CHTF18: variants seen among roughly 807,000 people sequenced by gnomAD.
The protein encoded by CHTF18 is chromosome transmission fidelity factor 18.
Under a neutral mutation model 113.4 loss-of-function variants are expected in CHTF18, and 151 were observed. The observed-to-expected ratio is 1.33, with a 90% confidence interval of 1.17 to 1.52. The LOEUF is 1.52. CHTF18 is among the 40% of genes most tolerant of loss of function. The pLI, the probability that CHTF18 is intolerant of heterozygous loss-of-function variation, is 0.00. For synonymous variants in CHTF18, 916 were observed against 598.8 expected (o/e 1.53, Z -7.74); for missense variants, 1,982 against 1,381.6 (o/e 1.43, Z -6.89).
In CHTF18 at chr16:790,569, C is replaced by T. The variant is rs150535361; in HGVS notation, c.797C>T (p.Pro266Leu). Residue 266 changes from proline (P) to leucine (L), a missense_variant, in exon 7 of 22, where the codon CCT becomes CTT. Transcript: ENST00000262315. ...GAGGCAGCCCAGCCCTTGGGGGCCC[C>T]TGAGGAGGAGCCGACTGACGGTCAA... ...EEEAAQPLGA[P>L]EEEPTDGQDA... The T allele has an allele frequency of 0.01, 16,607 of 1,597,296 alleles. 111 individuals carry two copies. Among genetic ancestry groups the T allele is most frequent in the Middle Eastern group, 0.028 (169 of 6,014 alleles).
intron 20 of CHTF18, 60 bp from the exon 21 acceptor site, chr16:797,634 T>G: frequency 5.1e-6 from 8 of 1,563,718 alleles, no homozygotes; most frequent in African/African-American, 1.3e-5. Flanking sequence ...CCTCCTGTCT[T>G]GGGTAGGGGC....
chr16:794,114 C>T lies in CHTF18; in HGVS notation c.1863C>T (p.Asp621=), dbSNP rs578049688. Residue 621 remains aspartate, a synonymous_variant, in exon 15 of 22, where the codon GAC becomes GAT. Transcript: ENST00000262315. ...PADTLLLGDG[D]AGSLTSASQR... is the part of the protein sequence containing the mutation. ...ACACACTCCTGCTGGGTGACGGGGA[C>T]GCGGGCTCCCTCACCTCCGCCTCAC... 2.7e-5 allele frequency: 44 copies of T among 1,612,344 alleles called. No individual in the cohort carries two copies. The highest frequency in any genetic ancestry group is 8.8e-5 in the South Asian group (8 of 91,066).
Position 795,781 on chromosome 16 carries a change from C to A in CHTF18, c.2272C>A (p.Leu758Ile). 1 of 1,609,916 alleles carries A rather than the reference C, an allele frequency of 6.2e-7. No individual in the cohort carries two copies. Among genetic ancestry groups the A allele is most frequent in the East Asian group, 2.2e-5 (1 of 44,686 alleles). ...TRSRATPQAL[L>I]LDALCLLLDI... Reference sequence around the variant, plus strand: ...CAGCCGGGCCACGCCCCAGGCCCTGCTCCTCGATGCCCTCTGCCTGCTCCT... The same window carrying A: ...CAGCCGGGCCACGCCCCAGGCCCTGATCCTCGATGCCCTCTGCCTGCTCCT... Residue 758 changes from leucine (L) to isoleucine (I), a missense_variant, in exon 17 of 22, where the codon CTC becomes ATC. Coordinates refer to ENST00000262315, the MANE Select transcript of CHTF18 (RefSeq NM_022092.3).
At chr16:789,423 C>G (rs961707660) in intron 3 of CHTF18, 63 bp downstream of exon 3, 50 of 1,534,910 alleles carry the variant, frequency 3.3e-5, no homozygotes, top group Non-Finnish European at 4.3e-5. Context: ...TGGAGCCCAT[C>G]CCGTGCCCTG....
chr16:789,532 C>G lies in CHTF18; in HGVS notation c.438-15C>G, dbSNP rs776470297. On this transcript the variant is annotated splice_polypyrimidine_tract_variant and intron_variant, in intron 3 of 21. Coordinates refer to ENST00000262315, the MANE Select transcript of CHTF18 (RefSeq NM_022092.3). ...ACGCTTGAGTTTCTGCCACTGAGCC[C>G]CGGTCTCTCTCCAGAGTCTCAGAAG... The G allele has an allele frequency of 4.0e-5, 63 of 1,584,960 alleles. No individual in the cohort carries two copies. The highest frequency in any genetic ancestry group is 5.2e-5 in the Non-Finnish European group (60 of 1,164,986).
intron 20 of CHTF18, among the ~76,000 whole-genome samples, 161 bp from the exon 21 acceptor site, chr16:797,533 C>T (rs978295631): frequency 3.3e-5 from 5 of 152,040 alleles, no homozygotes; most frequent in African/African-American, 4.8e-5. Flanking sequence ...GAGCAGATGG[C>T]AGTGAGGGGT....
intron 18 of CHTF18, 136 bp from the exon 19 acceptor site, chr16:796,581 G>C (rs1372939021): frequency 9.6e-7 from 1 of 1,039,866 alleles, no homozygotes; most frequent in Non-Finnish European, 1.3e-6. Flanking sequence ...GTTGGGGTGC[G>C]GTGGCACCAG....
chr16:793,556 C>G lies in CHTF18; in HGVS notation c.1802+282C>G, dbSNP rs921191137. 7.0e-6 allele frequency: 4 copies of G among 573,426 alleles called. No homozygotes were observed. In the African/African-American group the frequency reaches 7.5e-5, roughly 11 times the overall value. 35.5% of individuals were successfully genotyped at this position (573,426 alleles called of 1,614,324 possible). Reference sequence around the variant, plus strand: ...CGTCCCTCTCCAGGGCGCCCCTTGACTCAGCTGCTGTCCCAGTTGCACCCT... The same window carrying G: ...CGTCCCTCTCCAGGGCGCCCCTTGAGTCAGCTGCTGTCCCAGTTGCACCCT... On this transcript the variant is annotated intron_variant, in intron 14 of 21. Coordinates refer to ENST00000262315, the MANE Select transcript of CHTF18 (RefSeq NM_022092.3).
chr16:791,296 T>C lies in CHTF18; in HGVS notation c.1030T>C (p.Trp344Arg), dbSNP rs774560775. The C allele has an allele frequency of 1.2e-6, 2 of 1,610,630 alleles. No homozygotes were observed. The highest frequency in any genetic ancestry group is 1.7e-6 in the Non-Finnish European group (2 of 1,179,542). ...CAAGGAGGCCACAGCCCCAGGCAAG[T>C]GGAAGAGCCACGAACAGGTGCTGGA... is the stretch of plus-strand genomic sequence containing the variant. ...VSKEATAPGK[W>R]KSHEQVLEEM... The change falls in exon 8 of 22, where the codon TGG (tryptophan) becomes CGG (arginine). Residue 344 changes from tryptophan (W) to arginine (R), a missense_variant. Trp to Arg is a moderately radical substitution (Grantham distance 101). Coordinates refer to ENST00000262315, the MANE Select transcript of CHTF18 (RefSeq NM_022092.3).
At chr16:793,622 C>T (rs2042261061) in intron 14 of CHTF18, 1 of 526,982 alleles carries the variant, frequency 1.9e-6, no homozygotes, top group South Asian at 2.0e-5. Context: ...TCTCTGAGCC[C>T]CTGCCTGCCC....
At position 798,002 on chromosome 16, in the gene CHTF18, C is replaced by A. The variant is rs199984295; in HGVS notation, c.*27C>A. On this transcript the variant is annotated 3_prime_UTR_variant, in exon 22 of 22. Coordinates refer to ENST00000262315, the MANE Select transcript of CHTF18 (RefSeq NM_022092.3). The stretch of plus-strand genomic sequence containing the variant: ...TCTCTGAGCCGCGGACATGCCCTCG[C>A]ATTGCTTCCCGCAGAGTGCAGAGAC... The A allele has an allele frequency of 1.3e-6, 2 of 1,597,616 alleles. No individual in the cohort carries two copies. The highest frequency in any genetic ancestry group is 1.7e-6 in the Non-Finnish European group (2 of 1,171,140).
chr16:796,650 C>G (rs1314257646), intron 18 of CHTF18, 67 bp from the exon 19 acceptor site: 21 of 1,480,300 alleles, frequency 1.4e-5, no homozygotes, highest in Non-Finnish European at 1.9e-5. Context: ...GGTTGGAGTG[C>G]CCGGCGGCTC....
chr16:794,568 G>A (rs1041416735), intron 15 of CHTF18: 58 of 302,612 alleles, frequency 1.9e-4, no homozygotes, highest in African/African-American at 1.1e-3. Context: ...AGAGCAGTGC[G>A]GTGAGGGCTT....
intron 7 of CHTF18, 54 bp downstream of exon 7, chr16:790,720 A>T (rs1003599594): frequency 2.0e-6 from 3 of 1,476,752 alleles, no homozygotes; most frequent in Admixed American, 2.5e-5. Flanking sequence ...CCCAAGATGG[A>T]AGAACCTGGG....
At position 789,319 on chromosome 16, in the gene CHTF18, G is replaced by C; in HGVS notation, c.396G>C (p.Pro132=). The C allele has an allele frequency of 6.2e-7, 1 of 1,601,248 alleles. No homozygotes were observed. Among genetic ancestry groups the C allele is most frequent in the Non-Finnish European group, 8.5e-7 (1 of 1,174,828 alleles). ...ACTCCTCGCCGACGGACATCACCCC[G>C]CCGCCGAGCCCTGAGGACCTCGCAG... ...PPDSSPTDIT[P]PPSPEDLAEL... is the part of the protein sequence containing the mutation. Residue 132 remains proline (P), a synonymous_variant, in exon 3 of 22, where the codon CCG becomes CCC. Transcript: ENST00000262315.
chr16:791,073 G>T, intron 7 of CHTF18, 88 bp from the exon 8 acceptor site: 2 of 1,517,206 alleles, frequency 1.3e-6, no homozygotes, highest in Non-Finnish European at 1.8e-6. Flanking sequence ...GGCATCCCAT[G>T]GGGCATGGGG....
rs537367157 is a variant in CHTF18 at position 789,625 on chromosome 16, C to T, written c.516C>T (p.Pro172=). The T allele has an allele frequency of 1.1e-4, 170 of 1,608,490 alleles. No homozygotes were observed. Among genetic ancestry groups the T allele is most frequent in the Middle Eastern group, 3.3e-4 (2 of 6,082 alleles). ...GCAATCCCGTCCTGAGGCGGCCCCC[C>T]ATCTTGGAGGACTACGTCCACGTGA... The part of the protein sequence containing the change: ...AARNPVLRRP[P]ILEDYVHVTS... The change falls in exon 4 of 22, where the codon CCC becomes CCT. Residue 172 remains proline, a synonymous_variant. Coordinates refer to ENST00000262315, the MANE Select transcript of CHTF18 (RefSeq NM_022092.3).
Position 792,753 on chromosome 16 carries a change from C to A in CHTF18, c.1514C>A (p.Ala505Asp). The A allele has an allele frequency of 1.3e-6, 2 of 1,551,474 alleles. No homozygotes were observed. The highest frequency in any genetic ancestry group is 2.4e-5 in the East Asian group (1 of 41,424). ...TCCCTGCGGCAGCTGAAGCAGCAGG[C>A]CTTCCTGCTCCACTTCCCGCCGACT... ...APSLRQLKQQ[A>D]FLLHFPPTLP... is the part of the protein sequence containing the mutation. Residue 505 changes from alanine (A) to aspartate (D), a missense_variant, in exon 12 of 22, where the codon GCC becomes GAC. Transcript: ENST00000262315.
At chr16:789,839 G>C (rs930190916) in intron 4 of CHTF18, 124 bp downstream of exon 4, 3 of 1,332,318 alleles carry the variant, frequency 2.3e-6, no homozygotes, top group Non-Finnish European at 2.0e-6. Flanking sequence ...GGGGTGCAGA[G>C]GGGGAGGCTG....
Sources: gnomAD v4.1 joint callset for allele counts (sites outside exome capture counted in the v4.1 genomes callset) on GRCh38, gnomAD v4.1.1 for gene constraint, MANE v1.5 for transcripts, NCBI Gene and HGNC (gene_info 2026-07-23, HGNC 2026-07-21) for gene names.